PCDH9: variants seen among roughly 807,000 people sequenced by gnomAD.
PCDH9 encodes protocadherin-9.
A neutral mutation model predicts 70.6 loss-of-function variants in PCDH9; 24 were observed. The observed-to-expected ratio is 0.34, with a 90% CI of 0.25 to 0.48. The LOEUF is 0.48. Among genes scored for constraint, PCDH9 ranks in the 20% least tolerant of loss-of-function variants. The probability of loss-of-function intolerance (pLI) is 0.99; values close to 1 mark genes in which losing one functional copy is unlikely to be tolerated. For missense variants in PCDH9, 1,281 were observed against 1,503.6 expected, an observed-to-expected ratio of 0.85 and a Z score of 2.45; for synonymous variants, 562 against 558.5, an observed-to-expected ratio of 1.01 and a Z score of -0.09.
At chr13:67,086,050 G>A (rs1437205022) in intron 2 of PCDH9, among the ~76,000 whole-genome samples, 1 of 152,020 alleles carries the variant, frequency 6.6e-6, no homozygotes, top group African/African-American at 2.4e-5. Flanking sequence ...GCTCTATTGA[G>A]GCAAATTCTA....
intron 2 of PCDH9, chr13:66,977,303 T>G (rs1057368136): frequency 1.3e-5 from 2 of 152,112 alleles, no homozygotes; most frequent in Admixed American, 1.3e-4. Flanking sequence ...ACAGCCTTTA[T>G]GCCAATTTCA....
At chr13:66,826,776 A>T (rs1463983338) in intron 3 of PCDH9, among the ~76,000 whole-genome samples, 2 of 152,340 alleles carry the variant, frequency 1.3e-5, no homozygotes, top group East Asian at 3.9e-4. Flanking sequence ...AGTGGCTTTG[A>T]GCAGAGACTT....
chr13:66,520,999 A>G (rs1566388152), intron 4 of PCDH9, among the ~76,000 whole-genome samples: 2 of 152,250 alleles, frequency 1.3e-5, no homozygotes, highest in East Asian at 1.9e-4. Flanking sequence ...AATGTTTAGT[A>G]TTAAACACTG....
At chr13:66,437,404 C>CAAAAAAAAAAAAAAAAAAA (rs66796123) in intron 4 of PCDH9, among the ~76,000 whole-genome samples, 13 of 45,588 alleles carry the variant, frequency 2.9e-4, no homozygotes, top group African/African-American at 8.2e-4. Context: ...GACTCTGTCT[C>CAAAAAAAAAAAAAAAAAAA]AAAAAAAAAA....
chr13:67,082,324 T>C (rs2086002213), intron 2 of PCDH9, among the ~76,000 whole-genome samples: 1 of 152,224 alleles, frequency 6.6e-6, no homozygotes, highest in Admixed American at 6.5e-5. Context: ...ATTCCACATA[T>C]GAATGAAAGC....
intron 2 of PCDH9, among the ~76,000 whole-genome samples, chr13:66,986,912 C>A (rs2083902756): frequency 6.6e-6 from 1 of 151,466 alleles, no homozygotes; most frequent in South Asian, 2.1e-4. Context: ...ACTATAGTAT[C>A]TATGTATATA....
intron 4 of PCDH9, among the ~76,000 whole-genome samples, chr13:66,498,084 T>G (rs1959145498): frequency 6.6e-6 from 1 of 151,916 alleles, no homozygotes; most frequent in Non-Finnish European, 1.5e-5. Flanking sequence ...CTTCCCAATG[T>G]GATGGGATTA....
rs201382171 is a variant in PCDH9 at position 67,132,706 on chromosome 13, AT to A, written c.3036+92698del. ...AGTACAGAACATAGCATTAAAAAAA[AT>A]AACTTTTTATGACTACAGATATGGT... On this transcript the variant is annotated intron_variant, in intron 2 of 4. Transcript: ENST00000377865. 5.1e-3 allele frequency among the ~76,000 whole-genome samples: 769 copies of A among 151,150 alleles called. 14 individuals are homozygous for A. Among genetic ancestry groups the A allele is most frequent in the African/African-American group, 0.018 (752 of 41,266 alleles).
intron 2 of PCDH9, among the ~76,000 whole-genome samples, chr13:67,110,999 A>G (rs2086648706): frequency 6.6e-6 from 1 of 152,244 alleles, no homozygotes; most frequent in African/African-American, 2.4e-5. Flanking sequence ...CATTTAGAAC[A>G]TAGTGACTAC....
At chr13:66,692,949 A>G (rs2078509372) in intron 3 of PCDH9, among the ~76,000 whole-genome samples, 1 of 152,134 alleles carries the variant, frequency 6.6e-6, no homozygotes, top group South Asian at 2.1e-4. Flanking sequence ...TACAAGGAAC[A>G]AAATAGGAAA....
intron 3 of PCDH9, among the ~76,000 whole-genome samples, chr13:66,709,141 A>G (rs2078758071): frequency 6.6e-6 from 1 of 152,290 alleles, no homozygotes; most frequent in African/African-American, 2.4e-5. Context: ...TCCTAGAAGG[A>G]GGTTTTTCCA....
At chr13:66,517,044 C>T (rs556085084) in intron 4 of PCDH9, among the ~76,000 whole-genome samples, 1 of 152,080 alleles carries the variant, frequency 6.6e-6, no homozygotes, top group South Asian at 2.1e-4. Flanking sequence ...TTGCCAGAGA[C>T]CCTAGGAAGC....
At chr13:66,828,810 A>AAAAAAAAAAAAAAAATAAT (rs71207607) in intron 3 of PCDH9, among the ~76,000 whole-genome samples, 7 of 148,608 alleles carry the variant, frequency 4.7e-5, no homozygotes, top group African/African-American at 1.7e-4. Context: ...GCCATACATA[A>AAAAAAAAAAAAAAAATAAT]AATAATAATA....
intron 2 of PCDH9, among the ~76,000 whole-genome samples, chr13:67,017,418 A>G (rs1246504371): frequency 1.3e-5 from 2 of 152,182 alleles, no homozygotes; most frequent in Non-Finnish European, 2.9e-5. Context: ...ACAGGCATTG[A>G]TATTCCCTAA....
Position 66,990,059 on chromosome 13 carries a change from G to GA in PCDH9, c.3037-86455dup, listed in dbSNP as rs566113108. Among the ~76,000 whole-genome samples, 472 of 151,862 alleles carry GA rather than the reference G, an allele frequency of 3.1e-3. 5 individuals carry two copies. Among genetic ancestry groups the GA allele is most frequent in the African/African-American group, 0.011 (456 of 41,532 alleles). ...ACTAACAAAGATATTTAAGATGGAAGAAAAAATGTTTTGGGTTTCTTCGTT... is the reference window on the plus strand; with the variant it reads ...ACTAACAAAGATATTTAAGATGGAAGAAAAAAATGTTTTGGGTTTCTTCGTT... On this transcript the variant is annotated intron_variant, in intron 2 of 4. Coordinates refer to ENST00000377865, the MANE Select transcript of PCDH9 (RefSeq NM_203487.3).
At chr13:66,667,647 A>G (rs990392707) in intron 3 of PCDH9, among the ~76,000 whole-genome samples, 3 of 152,194 alleles carry the variant, frequency 2.0e-5, no homozygotes, top group Non-Finnish European at 4.4e-5. Context: ...CTGTCTACAC[A>G]TAAAAATTGG....
At chr13:66,538,715 T>C (rs183008893) in intron 4 of PCDH9, among the ~76,000 whole-genome samples, 8 of 151,796 alleles carry the variant, frequency 5.3e-5, no homozygotes, top group East Asian at 3.9e-4. Context: ...AATCTACTAA[T>C]TGAAATGTCA....
chr13:66,633,131 C>G (rs1379596709), intron 3 of PCDH9, among the ~76,000 whole-genome samples: 1 of 152,244 alleles, frequency 6.6e-6, no homozygotes, highest in South Asian at 2.1e-4. Flanking sequence ...CACTTTACTG[C>G]TGTTCAATGA....
chr13:67,152,769 C>T (rs903089437), intron 2 of PCDH9, among the ~76,000 whole-genome samples: 6 of 152,096 alleles, frequency 3.9e-5, no homozygotes, highest in African/African-American at 9.7e-5. Flanking sequence ...TTAAAACTCA[C>T]GTTCTTTGGG....
Sources: allele counts gnomAD v4.1 joint callset (sites outside exome capture counted in the v4.1 genomes callset), GRCh38; gene constraint gnomAD v4.1.1; transcripts MANE v1.5; gene names NCBI Gene and HGNC (gene_info 2026-07-23, HGNC 2026-07-21).